NAA38: variants seen among roughly 807,000 people sequenced by gnomAD.
NAA38 encodes LSM domain containing 1.
In NAA38, 15 loss-of-function variants were observed where a neutral mutation model predicts 12.6. That is an observed-to-expected ratio of 1.19 (90% CI 0.79 to 1.83). NAA38 has a LOEUF of 1.83. NAA38 is among the 40% of genes most tolerant of loss of function. The probability of loss-of-function intolerance (pLI) is 0.00; values close to 1 mark genes in which losing one functional copy is unlikely to be tolerated. For missense variants in NAA38, 183 were observed against 171.7 expected, an observed-to-expected ratio of 1.07 and a Z score of -0.37; for synonymous variants, 88 against 69.9, an observed-to-expected ratio of 1.26 and a Z score of -1.29.
At chr17:7,869,908 A>AC (rs1302240005) in intron 2 of NAA38, among the ~76,000 whole-genome samples, 1 of 152,244 alleles carries the variant, frequency 6.6e-6, no homozygotes, top group African/African-American at 2.4e-5. Context: ...AAGGATAGTT[A>AC]ATCAGCTGGG....
chr17:7,884,678 G>A (rs1003051086), intron 1 of NAA38: 6 of 397,732 alleles, frequency 1.5e-5, no homozygotes, highest in Admixed American at 1.3e-4. Context: ...CGGTGAGGAG[G>A]AGGAGGACGC....
intron 1 of NAA38, chr17:7,884,842 G>A (rs1167140477): frequency 2.8e-6 from 3 of 1,079,474 alleles, no homozygotes; most frequent in African/African-American, 3.3e-5. Flanking sequence ...AGGAGGAGGA[G>A]GAGGAGATGG....
At position 7,884,894 on chromosome 17, in the gene NAA38, G is replaced by A. The variant is rs770625965; in HGVS notation, c.-167+271C>T. On this transcript the variant is annotated intron_variant, in intron 1 of 4. Transcript: ENST00000576861. ...AGAAGAGGAGGAAGAAGAGGGCGAC[G>A]AGGAGGAGGAGGAGGAGGTGGAGGC... is the stretch of plus-strand genomic sequence containing the variant. The A allele has an allele frequency of 1.0e-5, 11 of 1,085,664 alleles. No homozygotes were observed. Among genetic ancestry groups the A allele is most frequent in the Non-Finnish European group, 1.4e-5 (11 of 806,726 alleles). The allele number at this position is 1,085,664 out of a possible 1,614,324, so 67.3% of individuals were successfully genotyped here. A position where few individuals can be genotyped will look rare whatever the true frequency, so the allele number is the denominator to read the frequency against.
At chr17:7,880,664 T>C (rs1479117280) in intron 2 of NAA38, among the ~76,000 whole-genome samples, 5 of 141,988 alleles carry the variant, frequency 3.5e-5, no homozygotes, top group African/African-American at 1.2e-4. Flanking sequence ...ACCTACTCTG[T>C]GTGCATGTAA....
chr17:7,856,949 A>C, intron 2 of NAA38, 66 bp downstream of exon 2: 1 of 1,588,342 alleles, frequency 6.3e-7, no homozygotes, highest in East Asian at 2.2e-5. Context: ...CAGGCCCTTA[A>C]GGGGAAATGC....
chr17:7,884,733 A>AGGT (rs1163578190), intron 1 of NAA38: 42 of 153,296 alleles, frequency 2.7e-4, no homozygotes, highest in Middle Eastern at 1.5e-3. Context: ...GAGGAGGAGG[A>AGGT]GGTGGTGGTG....
chr17:7,857,926 C>A, upstream of NAA38: 2 of 1,426,614 alleles, frequency 1.4e-6, no homozygotes, highest in South Asian at 3.0e-5. Context: ...GGGACTCATA[C>A]TACGTTTCCC....
intron 1 of NAA38, among the ~76,000 whole-genome samples, chr17:7,884,483 T>C (rs1321672271): frequency 1.4e-5 from 2 of 143,664 alleles, no homozygotes; most frequent in African/African-American, 2.5e-5. Flanking sequence ...TATATGTATA[T>C]ATATATATAT....
At chr17:7,881,403 CT>C (rs751738054) in intron 2 of NAA38, among the ~76,000 whole-genome samples, 3 of 151,920 alleles carry the variant, frequency 2.0e-5, no homozygotes. Context: ...GACAGGCAGA[CT>C]GTCTGAGGAA....
chr17:7,872,466 G>A (rs1219971110), intron 2 of NAA38, among the ~76,000 whole-genome samples: 1 of 152,194 alleles, frequency 6.6e-6, no homozygotes, highest in African/African-American at 2.4e-5. Context: ...GCGTTCAGGT[G>A]ATTCTCCTGC....
intron 1 of NAA38, chr17:7,884,838 A>T: frequency 9.9e-7 from 1 of 1,014,542 alleles, no homozygotes. Flanking sequence ...GAGGAGGAGG[A>T]GGAGGAGGAG....
At chr17:7,864,813 T>A (rs995251485) in intron 3 of NAA38, 1 of 151,006 alleles carries the variant, frequency 6.6e-6, no homozygotes, top group East Asian at 2.0e-4. Flanking sequence ...CAAAATGGCT[T>A]CAAACCAGGA....
upstream of NAA38, chr17:7,857,580 C>G (rs1029117624): frequency 3.6e-6 from 5 of 1,394,266 alleles, no homozygotes; most frequent in Non-Finnish European, 3.7e-6. Context: ...CTCTCCTCCC[C>G]CTCCTAGTCT....
chr17:7,866,646 C>T (rs1406049572), intron 2 of NAA38: 3 of 592,382 alleles, frequency 5.1e-6, no homozygotes, highest in Non-Finnish European at 7.4e-6. Context: ...TTCAGTTGGC[C>T]ACCTGGCTCC....
chr17:7,882,860 G>A (rs971874342), intron 2 of NAA38, among the ~76,000 whole-genome samples: 4 of 152,250 alleles, frequency 2.6e-5, no homozygotes, highest in East Asian at 1.9e-4. Flanking sequence ...CCTGAGCACC[G>A]CCGAAGATGG....
chr17:7,858,144 C>G (rs2078847584), upstream of NAA38: 1 of 1,613,394 alleles, frequency 6.2e-7, no homozygotes, highest in Non-Finnish European at 8.5e-7. Flanking sequence ...CATGCCGCGC[C>G]GGGGCCTGGT....
intron 1 of NAA38, 73 bp downstream of exon 1, chr17:7,857,310 A>G (rs565579164): frequency 1.9e-6 from 3 of 1,612,110 alleles, no homozygotes; most frequent in South Asian, 2.2e-5. Flanking sequence ...GGCTGCCGGG[A>G]GCTGCAGTTC....
At chr17:7,857,901 TTA>T (rs1567812156), upstream of NAA38, 2 of 1,410,626 alleles carry the variant, frequency 1.4e-6, no homozygotes, top group Non-Finnish European at 1.8e-6. Flanking sequence ...TACTTGATCC[TTA>T]TATGCCCCAC....
chr17:7,870,694 CA>C (rs1967070231), intron 2 of NAA38, among the ~76,000 whole-genome samples: 1 of 151,848 alleles, frequency 6.6e-6, no homozygotes, highest in Admixed American at 6.6e-5. Context: ...CCAGCCTGGC[CA>C]ACATGGTGAA....
Sources: allele counts gnomAD v4.1 joint callset (sites outside exome capture counted in the v4.1 genomes callset), GRCh38; gene constraint gnomAD v4.1.1; transcripts MANE v1.5; gene names NCBI Gene and HGNC (gene_info 2026-07-23, HGNC 2026-07-21).